Variants in SCARA3 observed in about 807,000 individuals in gnomAD.
SCARA3 encodes the protein scavenger receptor class A member 3.
SCARA3 carries 39 observed loss-of-function variants against 47.0 expected under a neutral mutation model. The ratio of observed to expected loss-of-function variants is 0.83; its 90% confidence interval spans 0.64 to 1.08. SCARA3 has a LOEUF of 1.08. Ranked by LOEUF, SCARA3 falls within the 50% of genes least tolerant of loss-of-function variation. SCARA3 has a pLI of 0.00. For missense variants in SCARA3, 724 were observed against 792.3 expected, an observed-to-expected ratio of 0.91 and a Z score of 1.04; for synonymous variants, 356 against 334.1, an observed-to-expected ratio of 1.07 and a Z score of -0.71.
At chr8:27,660,864 A>T (rs548784768) in intron 5 of SCARA3, among the ~76,000 whole-genome samples, 18 of 152,164 alleles carry the variant, frequency 1.2e-4, no homozygotes, top group East Asian at 5.8e-4. Context: ...ATAGATAGAT[A>T]GATAGATAGA....
the SCARA3 span, among the ~76,000 whole-genome samples, chr8:27,708,742 T>C: frequency 6.6e-6 from 1 of 152,168 alleles, no homozygotes; most frequent in Non-Finnish European, 1.5e-5. Flanking sequence ...GTTTGTTACA[T>C]GGGTATATTG....
At chr8:27,662,025 A>T (rs1045289691) in intron 5 of SCARA3, among the ~76,000 whole-genome samples, 2 of 152,212 alleles carry the variant, frequency 1.3e-5, no homozygotes, top group Non-Finnish European at 2.9e-5. Context: ...TAAGGAGCTC[A>T]AAGTGGCCAG....
intron 5 of SCARA3, among the ~76,000 whole-genome samples, chr8:27,663,720 A>G (rs577693748): frequency 3.9e-5 from 6 of 152,032 alleles, no homozygotes; most frequent in African/African-American, 1.4e-4. Context: ...GATTGTACTG[A>G]TTCACCTACA....
At chr8:27,711,888 A>G in the SCARA3 span, among the ~76,000 whole-genome samples, 1 of 152,160 alleles carries the variant, frequency 6.6e-6, no homozygotes, top group African/African-American at 2.4e-5. Flanking sequence ...GTTTGTTATA[A>G]TTGATAAACC....
intron 1 of SCARA3, among the ~76,000 whole-genome samples, chr8:27,636,134 C>G (rs1433090435): frequency 6.6e-6 from 1 of 152,234 alleles, no homozygotes; most frequent in Non-Finnish European, 1.5e-5. Context: ...GCTGAACCCT[C>G]TGCAGTCAGC....
intron 1 of SCARA3, among the ~76,000 whole-genome samples, chr8:27,642,718 G>T (rs1801408412): frequency 6.6e-6 from 1 of 152,202 alleles, no homozygotes; most frequent in Non-Finnish European, 1.5e-5. Flanking sequence ...CAGCTACTTA[G>T]GAGGCTGAGG....
rs749672522 is a variant in SCARA3 at position 27,659,401 on chromosome 8, G to A, written c.1231G>A (p.Asp411Asn). 1 of 1,613,916 alleles carries A rather than the reference G, an allele frequency of 6.2e-7. No individual in the cohort carries two copies. Among genetic ancestry groups the A allele is most frequent in the Non-Finnish European group, 8.5e-7 (1 of 1,179,918 alleles). The change falls in exon 5 of 6, where the codon GAC (aspartate) becomes AAC (asparagine). Residue 411 changes from aspartate to asparagine, a missense_variant. Asp to Asn is a conservative substitution (Grantham distance 23). Coordinates refer to ENST00000301904, the MANE Select transcript of SCARA3 (RefSeq NM_016240.3). ...KSVSIMLGTT[D>N]LLRERFSLLS... ...TGTCTCCATCATGCTGGGCACCACA[G>A]ACCTGCTCCGGGAGCGCTTCAGCCT...
At chr8:27,722,391 T>C in the SCARA3 span, among the ~76,000 whole-genome samples, 1 of 152,016 alleles carries the variant, frequency 6.6e-6, no homozygotes, top group Non-Finnish European at 1.5e-5. Flanking sequence ...TGGTTCATGT[T>C]CACAGCTACT....
chr8:27,660,842 C>CTAGCTAGCTAGA lies in SCARA3; in HGVS notation c.1369+1306_1369+1307insCTAGCTAGATAG, dbSNP rs1318777226. 8.1e-4 allele frequency among the ~76,000 whole-genome samples: 92 copies of CTAGCTAGCTAGA among 113,876 alleles called. 1 individual carries two copies. Among genetic ancestry groups the CTAGCTAGCTAGA allele is most frequent in the African/African-American group, 2.7e-3 (88 of 32,306 alleles). 74.7% of individuals were successfully genotyped at this position (113,876 alleles called of 152,430 possible). A position where few individuals can be genotyped will look rare whatever the true frequency, so the allele number is the denominator to read the frequency against. ...ATATAGATAGAAGATAGCTAGCTAG[C>CTAGCTAGCTAGA]TAGATAGATAGATAGATAGATAGAT... On this transcript the variant is annotated intron_variant, in intron 5 of 5. Coordinates refer to ENST00000301904, the MANE Select transcript of SCARA3 (RefSeq NM_016240.3).
At chr8:27,679,763 A>G (rs888953371), downstream of SCARA3, 3 of 152,246 alleles carry the variant, frequency 2.0e-5, no homozygotes, top group African/African-American at 7.2e-5. Context: ...TAAATTACAC[A>G]GACAGTACTC....
chr8:27,694,326 C>T, the SCARA3 span, among the ~76,000 whole-genome samples: 2 of 152,140 alleles, frequency 1.3e-5, no homozygotes, highest in Non-Finnish European at 2.9e-5. Context: ...TGAATATCCT[C>T]CAGCCTTATT....
the SCARA3 span, chr8:27,701,376 C>A: frequency 6.6e-6 from 1 of 152,070 alleles, no homozygotes; most frequent in Non-Finnish European, 1.5e-5. Flanking sequence ...TGTTAAAATT[C>A]ATCAAAGTCT....
the SCARA3 span, among the ~76,000 whole-genome samples, chr8:27,685,540 C>G: frequency 1.3e-5 from 2 of 152,144 alleles, no homozygotes; most frequent in East Asian, 1.9e-4. Context: ...ATTGAGCATG[C>G]ATTTACAGTT....
the SCARA3 span, among the ~76,000 whole-genome samples, chr8:27,706,574 C>T: frequency 3.1e-4 from 47 of 152,010 alleles, no homozygotes; most frequent in African/African-American, 1.0e-3. Flanking sequence ...GAGAAGGACA[C>T]GAGATGGGGA....
At chr8:27,639,949 G>T (rs183095530) in intron 1 of SCARA3, among the ~76,000 whole-genome samples, 354 of 152,196 alleles carry the variant, frequency 2.3e-3, no homozygotes, top group Admixed American at 6.5e-3. Context: ...AAGCAAAGGC[G>T]CAGGAGGAGC....
At chr8:27,720,131 A>G in the SCARA3 span, among the ~76,000 whole-genome samples, 1 of 152,062 alleles carries the variant, frequency 6.6e-6, no homozygotes, top group Admixed American at 6.6e-5. Flanking sequence ...TGGAGATTAT[A>G]GGAGATGTGG....
In SCARA3 at chr8:27,671,591, C is replaced by T. The variant is rs532765010; in HGVS notation, c.*240C>T. On this transcript the variant is annotated 3_prime_UTR_variant, in exon 6 of 6. Coordinates refer to ENST00000301904, the MANE Select transcript of SCARA3 (RefSeq NM_016240.3). ...GCATGCACACACATGCACACATACA[C>T]GCACATGCACACATACACATGCATG... 6.3e-5 allele frequency: 79 copies of T among 1,245,466 alleles called. No homozygotes were observed. Among genetic ancestry groups the T allele is most frequent in the African/African-American group, 2.7e-4 (17 of 64,024 alleles). 77.2% of individuals were successfully genotyped at this position (1,245,466 alleles called of 1,614,324 possible). A position where few individuals can be genotyped will look rare whatever the true frequency, so the allele number is the denominator to read the frequency against.
the SCARA3 span, among the ~76,000 whole-genome samples, chr8:27,705,998 G>C: frequency 6.6e-6 from 1 of 152,216 alleles, no homozygotes; most frequent in Non-Finnish European, 1.5e-5. Context: ...CTGGTGGTGA[G>C]AGAGAGCATG....
chr8:27,648,463 G>C (rs1801556419), intron 1 of SCARA3, among the ~76,000 whole-genome samples: 1 of 152,134 alleles, frequency 6.6e-6, no homozygotes, highest in South Asian at 2.1e-4. Context: ...AATTAGCCGG[G>C]CGTGGTGGCG....
Sources: gnomAD v4.1 joint callset for allele counts (sites outside exome capture counted in the v4.1 genomes callset) on GRCh38, gnomAD v4.1.1 for gene constraint, MANE v1.5 for transcripts, NCBI Gene and HGNC (gene_info 2026-07-23, HGNC 2026-07-21) for gene names.